DOCK1: variants seen among roughly 807,000 people sequenced by gnomAD.
DOCK1 encodes dedicator of cytokinesis protein 1.
In DOCK1, 138 loss-of-function variants were observed where a neutral mutation model predicts 262.7. The ratio of observed to expected loss-of-function variants is 0.53; its 90% CI spans 0.46 to 0.61. The LOEUF is 0.61. DOCK1 is among the 20% of genes least tolerant of loss of function. DOCK1 has a pLI of 0.00. For synonymous variants in DOCK1, 866 were observed against 867.4 expected (o/e 1.00, Z 0.03); for missense variants, 1,908 against 2,370.7 (o/e 0.80, Z 4.05).
chr10:126,957,173 G>A (rs894639071), intron 1 of DOCK1, among the ~76,000 whole-genome samples: 1 of 152,170 alleles, frequency 6.6e-6, no homozygotes, highest in East Asian at 1.9e-4. Context: ...TTTTATCAAA[G>A]CTAAATAATG....
At chr10:127,364,532 A>G (rs1361042788) in intron 33 of DOCK1, among the ~76,000 whole-genome samples, 1 of 151,962 alleles carries the variant, frequency 6.6e-6, no homozygotes, top group Non-Finnish European at 1.5e-5. Context: ...CGCCTGGCTA[A>G]TTTTTGTATT....
At chr10:127,257,202 A>T in intron 28 of DOCK1, 133 bp from the exon 29 acceptor site, 1 of 720,098 alleles carries the variant, frequency 1.4e-6, no homozygotes, top group Non-Finnish European at 2.2e-6. Context: ...CCTATGAAAT[A>T]TATCTTCATT....
chr10:127,090,855 T>C (rs760598984), intron 23 of DOCK1, among the ~76,000 whole-genome samples: 1 of 152,244 alleles, frequency 6.6e-6, no homozygotes, highest in Non-Finnish European at 1.5e-5. Flanking sequence ...TATTCCATTG[T>C]ATGGACAGAC....
intron 32 of DOCK1, among the ~76,000 whole-genome samples, chr10:127,356,055 G>A (rs1168807738): frequency 2.0e-5 from 3 of 152,218 alleles, no homozygotes; most frequent in Non-Finnish European, 4.4e-5. Context: ...GGAGTCAGTG[G>A]AGGACTCCTC....
At chr10:127,403,674 G>C (rs1273730273) in intron 39 of DOCK1, among the ~76,000 whole-genome samples, 1 of 152,138 alleles carries the variant, frequency 6.6e-6, no homozygotes, top group Non-Finnish European at 1.5e-5. Flanking sequence ...CTGGAGAATC[G>C]CTTGAACCCA....
chr10:127,163,379 C>T (rs536525052), intron 27 of DOCK1, among the ~76,000 whole-genome samples: 2 of 152,186 alleles, frequency 1.3e-5, no homozygotes, highest in South Asian at 2.1e-4. Flanking sequence ...GTAGCTATTT[C>T]GCTTTCCCTG....
intron 29 of DOCK1, among the ~76,000 whole-genome samples, chr10:127,311,354 G>A (rs954602716): frequency 6.6e-6 from 1 of 152,164 alleles, no homozygotes; most frequent in Non-Finnish European, 1.5e-5. Flanking sequence ...TACTCATCCT[G>A]CAGAAGGAAC....
In DOCK1 at chr10:127,100,061, C is replaced by T. The variant is rs1487314713; in HGVS notation, c.2446-6170C>T. ...CAAGGGTGAGTCTGGGGTGGTGGGG[C>T]CAGAGCCCATGGCCCTCCATGGGTG... On this transcript the variant is annotated intron_variant, in intron 23 of 51. Coordinates refer to ENST00000623213, the MANE Select transcript of DOCK1 (RefSeq NM_001290223.2). The surrounding 1 kb of genome is among the most constrained non-coding windows in gnomAD (Gnocchi z 5.5). Among the ~76,000 whole-genome samples the T allele has an allele frequency of 6.6e-6, 1 of 152,120 alleles. No homozygotes were observed. Among genetic ancestry groups the T allele is most frequent in the African/African-American group, 2.4e-5 (1 of 41,422 alleles).
intron 48 of DOCK1, among the ~76,000 whole-genome samples, chr10:127,436,130 G>A (rs188355816): frequency 3.9e-5 from 6 of 152,160 alleles, no homozygotes; most frequent in Non-Finnish European, 7.3e-5. Context: ...TATCCAGTGT[G>A]AAAAGTCCAG....
chr10:127,415,063 G>A (rs2068077988), intron 43 of DOCK1, 89 bp from the exon 44 acceptor site: 1 of 1,245,622 alleles, frequency 8.0e-7, no homozygotes, highest in Admixed American at 2.0e-5. Flanking sequence ...GACTCCTTTG[G>A]AGTTATTCTA....
chr10:126,961,068 C>G (rs1005711458), intron 1 of DOCK1, among the ~76,000 whole-genome samples: 145 of 152,094 alleles, frequency 9.5e-4, no homozygotes, highest in Non-Finnish European at 1.9e-3. Context: ...AACCAAAAGC[C>G]AAAAAGAAAT....
intron 23 of DOCK1, among the ~76,000 whole-genome samples, chr10:127,092,778 C>T (rs996837367): frequency 1.3e-5 from 2 of 152,262 alleles, no homozygotes; most frequent in Non-Finnish European, 1.5e-5. Flanking sequence ...CCACCGCGCC[C>T]GGCAGACATT....
intron 35 of DOCK1, among the ~76,000 whole-genome samples, chr10:127,377,257 C>T (rs2065547645): frequency 6.6e-6 from 1 of 152,180 alleles, no homozygotes; most frequent in African/African-American, 2.4e-5. Context: ...ACCATAGATA[C>T]TCACTGCCCA....
At chr10:127,050,976 A>G (rs1453776247) in intron 21 of DOCK1, among the ~76,000 whole-genome samples, 1 of 152,170 alleles carries the variant, frequency 6.6e-6, no homozygotes, top group Non-Finnish European at 1.5e-5. Context: ...AGGAATTAAA[A>G]AAACCTATCT....
At chr10:127,057,997 T>G (rs2135789293) in intron 22 of DOCK1, among the ~76,000 whole-genome samples, 1 of 152,328 alleles carries the variant, frequency 6.6e-6, no homozygotes, top group East Asian at 1.9e-4. Context: ...TCTCAGTTTT[T>G]TATCCACTTC....
intron 18 of DOCK1, among the ~76,000 whole-genome samples, chr10:127,032,942 A>G (rs1476184385): frequency 1.3e-5 from 2 of 152,358 alleles, no homozygotes; most frequent in East Asian, 1.9e-4. Context: ...CATAAAGGAA[A>G]GTGCACAAGA....
rs116462553 is a variant in DOCK1 at position 127,275,727 on chromosome 10, C to T, written c.3044+18298C>T. 3.2e-3 allele frequency among the ~76,000 whole-genome samples: 486 copies of T among 151,390 alleles called. 2 individuals carry two copies. The highest frequency in any genetic ancestry group is 0.01 in the Middle Eastern group (3 of 294). ...GGTGATTTGTTGCAACAGGAGAGGA[C>T]AGAGGGAGGTACAGGTGTCAACCTG... On this transcript the variant is annotated intron_variant, in intron 29 of 51. Coordinates refer to ENST00000623213, the MANE Select transcript of DOCK1 (RefSeq NM_001290223.2).
At chr10:127,056,431 A>T (rs965630342) in intron 22 of DOCK1, among the ~76,000 whole-genome samples, 8 of 152,202 alleles carry the variant, frequency 5.3e-5, no homozygotes, top group African/African-American at 1.9e-4. Context: ...CCTGGCCTGA[A>T]GCCATCCTCC....
intron 29 of DOCK1, among the ~76,000 whole-genome samples, chr10:127,302,825 G>T (rs1357867703): frequency 6.6e-6 from 1 of 151,132 alleles, no homozygotes; most frequent in African/African-American, 2.4e-5. Flanking sequence ...ACTTCAAAAT[G>T]GGTGAGAACA....
Sources: gnomAD v4.1 joint callset for allele counts (sites outside exome capture counted in the v4.1 genomes callset) on GRCh38, gnomAD v4.1.1 for gene constraint, Gnocchi (gnomAD v3.1) non-coding constraint, MANE v1.5 for transcripts, NCBI Gene and HGNC (gene_info 2026-07-23, HGNC 2026-07-21) for gene names.